PSIP1: variants seen among roughly 807,000 people sequenced by gnomAD.
PSIP1 encodes PC4 and SRSF1 interacting protein 1.
A neutral mutation model predicts 74.7 loss-of-function variants in PSIP1; 19 were observed. The ratio of observed to expected loss-of-function variants is 0.25; its 90% CI spans 0.18 to 0.37. The LOEUF is 0.37. Among genes scored for constraint, PSIP1 ranks in the 10% least tolerant of loss-of-function variants. The pLI is 1.00. For synonymous variants in PSIP1, 222 were observed against 195.3 expected (o/e 1.14, Z -1.14); for missense variants, 601 against 614.3 (o/e 0.98, Z 0.23).
intron 2 of PSIP1, 65 bp downstream of exon 2, chr9:15,510,052 G>A (rs1462349622): frequency 6.9e-6 from 10 of 1,440,552 alleles, no homozygotes; most frequent in Non-Finnish European, 8.6e-6. Flanking sequence ...AAAGAGACAC[G>A]GTGGGCAGCA....
At chr9:15,479,029 ACTCATCT>A (rs2036222349) in intron 7 of PSIP1, among the ~76,000 whole-genome samples, 1 of 152,042 alleles carries the variant, frequency 6.6e-6, no homozygotes, top group South Asian at 2.1e-4. Flanking sequence ...TCTGGGTATT[ACTCATCT>A]TACCCCCCAT....
intron 2 of PSIP1, among the ~76,000 whole-genome samples, chr9:15,508,594 T>C (rs2037707378): frequency 6.6e-6 from 1 of 152,176 alleles, no homozygotes; most frequent in African/African-American, 2.4e-5. Flanking sequence ...CAAATCGGAA[T>C]ATAGATCTAT....
At chr9:15,467,141 T>C (rs190000941) in intron 14 of PSIP1, among the ~76,000 whole-genome samples, 166 of 152,322 alleles carry the variant, frequency 1.1e-3, no homozygotes, top group Middle Eastern at 6.8e-3. Flanking sequence ...AGTGGATTAT[T>C]AATCTGATTA....
At chr9:15,475,625 G>A (rs1362411189) in intron 8 of PSIP1, among the ~76,000 whole-genome samples, 1 of 152,078 alleles carries the variant, frequency 6.6e-6, no homozygotes, top group East Asian at 1.9e-4. Flanking sequence ...CATACAGTGG[G>A]ATACCATGCA....
At chr9:15,498,101 C>T (rs2037169023) in intron 3 of PSIP1, among the ~76,000 whole-genome samples, 1 of 152,126 alleles carries the variant, frequency 6.6e-6, no homozygotes. Flanking sequence ...CCTATCTTCA[C>T]AATAAATTCT....
intron 3 of PSIP1, among the ~76,000 whole-genome samples, chr9:15,501,840 CATATATATAT>C (rs112671758): frequency 9.6e-5 from 12 of 124,502 alleles, no homozygotes; most frequent in East Asian, 6.7e-4. Flanking sequence ...TATAAAACAG[CATATATATAT>C]ATATATATAT....
chr9:15,469,208 A>G, intron 12 of PSIP1, 58 bp downstream of exon 12: 1 of 1,347,214 alleles, frequency 7.4e-7, no homozygotes, highest in Non-Finnish European at 1.0e-6. Context: ...CATGTGAGAA[A>G]ATAAAAGATG....
chr9:15,466,849 A>T lies in PSIP1; in HGVS notation c.1431T>A (p.Thr477=), dbSNP rs750251083. The T allele has an allele frequency of 6.2e-7, 1 of 1,612,432 alleles. No homozygotes were observed. Among genetic ancestry groups the T allele is most frequent in the East Asian group, 2.2e-5 (1 of 44,816 alleles). The change falls in exon 15 of 16, where the codon ACT becomes ACA. Residue 477 remains threonine (T), a synonymous_variant. Transcript: ENST00000380733. ...CTTGAGCATCAGATCCTCCATTTAG[A>T]GTCTTTGACCCTTGCGAAGGAATCC... ...KLEKEQTGSK[T]LNGGSDAQDG...
In PSIP1 at chr9:15,465,442, T is replaced by TA; in HGVS notation, c.*77dup. ...CATCAAACCTATGCTTATAAAAATTTAAAACTTTCAGCAGTCTATTTCAAA... is the reference window on the plus strand; with the variant it reads ...CATCAAACCTATGCTTATAAAAATTTAAAAACTTTCAGCAGTCTATTTCAAA... On this transcript the variant is annotated 3_prime_UTR_variant, in exon 16 of 16. Coordinates refer to ENST00000380733, the MANE Select transcript of PSIP1 (RefSeq NM_033222.5). 1 of 1,287,946 alleles carries TA rather than the reference T, an allele frequency of 7.8e-7. No homozygotes were observed. The highest frequency in any genetic ancestry group is 1.1e-6 in the Non-Finnish European group (1 of 916,898). The allele number at this position is 1,287,946 out of a possible 1,614,324, so 79.8% of individuals were successfully genotyped here.
intron 3 of PSIP1, chr9:15,505,713 T>A (rs1430811719): frequency 2.0e-5 from 3 of 152,194 alleles, no homozygotes; most frequent in Non-Finnish European, 4.4e-5. Context: ...CAGGTGAACT[T>A]CTTTGTATGT....
chr9:15,481,950 C>G (rs925885251), intron 6 of PSIP1, among the ~76,000 whole-genome samples: 9 of 152,142 alleles, frequency 5.9e-5, no homozygotes, highest in African/African-American at 2.2e-4. Flanking sequence ...AACTTTTCCA[C>G]TCTTAGGATA....
In PSIP1 at chr9:15,475,911, T is replaced by A. The variant is rs980101612; in HGVS notation, c.630-1674A>T. Among the ~76,000 whole-genome samples, 3 of 152,294 alleles carry A rather than the reference T, an allele frequency of 2.0e-5. No individual in the cohort carries two copies. The East Asian group carries it at 5.8e-4, about 29-fold the overall frequency. On this transcript the variant is annotated intron_variant, in intron 8 of 15. Transcript: ENST00000380733. ...ATATGTTAATATAAGCAAAGACTAATGCAAACACAACCCTAAGAGCTTCAG... is the reference window on the plus strand; with the variant it reads ...ATATGTTAATATAAGCAAAGACTAAAGCAAACACAACCCTAAGAGCTTCAG...
intron 3 of PSIP1, chr9:15,505,993 A>G (rs2037569267): frequency 6.6e-6 from 1 of 152,220 alleles, no homozygotes; most frequent in Non-Finnish European, 1.5e-5. Context: ...TCGGGAAATT[A>G]ACGGTAGCCT....
chr9:15,485,446 T>C (rs1377152508), intron 6 of PSIP1, among the ~76,000 whole-genome samples: 3 of 152,250 alleles, frequency 2.0e-5, no homozygotes, highest in Non-Finnish European at 4.4e-5. Flanking sequence ...CTTTTGGTTT[T>C]CTTTGCATCT....
At chr9:15,500,662 T>C (rs923074792) in intron 3 of PSIP1, among the ~76,000 whole-genome samples, 4 of 152,220 alleles carry the variant, frequency 2.6e-5, no homozygotes, top group Non-Finnish European at 5.9e-5. Context: ...ACCTCTGCAC[T>C]GACCTTCACT....
At chr9:15,470,038 G>T in intron 10 of PSIP1, 45 bp from the exon 11 acceptor site, 2 of 1,470,076 alleles carry the variant, frequency 1.4e-6, no homozygotes, top group Non-Finnish European at 1.9e-6. Context: ...GGAATTTTGT[G>T]ACTAAATGCC....
intron 10 of PSIP1, chr9:15,471,415 C>G: frequency 6.8e-7 from 1 of 1,479,812 alleles, no homozygotes; most frequent in Non-Finnish European, 9.0e-7. Context: ...AACTGAAATA[C>G]ATAAAGATAA....
At chr9:15,478,624 T>C in intron 7 of PSIP1, 72 bp from the exon 8 acceptor site, 1 of 1,026,510 alleles carries the variant, frequency 9.7e-7, no homozygotes, top group Non-Finnish European at 1.5e-6. Context: ...GATATAAATA[T>C]TAGAAATGAT....
At chr9:15,472,583 T>C (rs754333066) in intron 10 of PSIP1, 49 bp downstream of exon 10, 4 of 1,558,788 alleles carry the variant, frequency 2.6e-6, no homozygotes, top group Non-Finnish European at 3.4e-6. Flanking sequence ...AAAAATTCCA[T>C]GCTAGCCTTT....
Sources: gnomAD v4.1 joint callset for allele counts (sites outside exome capture counted in the v4.1 genomes callset) on GRCh38, gnomAD v4.1.1 for gene constraint, MANE v1.5 for transcripts, NCBI Gene and HGNC (gene_info 2026-07-23, HGNC 2026-07-21) for gene names.